The following FOXO1 variants were observed in gnomAD, a reference collection of about 807,000 sequenced individuals.
FOXO1 encodes the protein forkhead box protein O1.
Under a neutral mutation model 44.1 loss-of-function variants are expected in FOXO1, and 6 were observed. The ratio of observed to expected loss-of-function variants is 0.14; its 90% CI spans 0.07 to 0.27. The LOEUF (loss-of-function observed/expected upper bound fraction) is 0.27. FOXO1 is among the 10% of genes least tolerant of loss of function. The pLI is 1.00. For synonymous variants in FOXO1, 380 were observed against 362.7 expected (o/e 1.05, Z -0.54); for missense variants, 737 against 888.8 (o/e 0.83, Z 2.17).
At chr13:40,594,313 A>G (rs1293228891) in intron 1 of FOXO1, among the ~76,000 whole-genome samples, 1 of 152,162 alleles carries the variant, frequency 6.6e-6, no homozygotes, top group African/African-American at 2.4e-5. Flanking sequence ...GGATGGAGGA[A>G]GAACTGAAGA....
intron 1 of FOXO1, among the ~76,000 whole-genome samples, chr13:40,622,912 T>C (rs765940274): frequency 6.6e-6 from 1 of 152,204 alleles, no homozygotes; most frequent in Non-Finnish European, 1.5e-5. Flanking sequence ...AGACAAGAGA[T>C]TCCTTAAGGT....
intron 1 of FOXO1, among the ~76,000 whole-genome samples, chr13:40,642,277 A>ATATG (rs1877377655): frequency 6.6e-6 from 1 of 152,158 alleles, no homozygotes; most frequent in Non-Finnish European, 1.5e-5. Flanking sequence ...AAGTGCTAGG[A>ATATG]TATGTAGCAG....
chr13:40,616,615 G>A (rs1304869885), intron 1 of FOXO1, among the ~76,000 whole-genome samples: 1 of 152,230 alleles, frequency 6.6e-6, no homozygotes, highest in African/African-American at 2.4e-5. Flanking sequence ...AGGCCATCAT[G>A]AGGGATTTTA....
chr13:40,592,242 C>T (rs1023295366), intron 1 of FOXO1, among the ~76,000 whole-genome samples: 1 of 152,084 alleles, frequency 6.6e-6, no homozygotes, highest in Non-Finnish European at 1.5e-5. Flanking sequence ...TCCAGCACTC[C>T]GCTTACTAAA....
In FOXO1 at chr13:40,560,257, TG is replaced by T; in HGVS notation, c.1233del (p.Asn411LysfsTer4). 2 of 1,614,216 alleles carry T rather than the reference TG, an allele frequency of 1.2e-6. No homozygotes were observed. Among genetic ancestry groups the T allele is most frequent in the Non-Finnish European group, 1.7e-6 (2 of 1,180,044 alleles). On this transcript the variant is annotated frameshift_variant, in exon 2 of 3. Coordinates refer to ENST00000379561, the MANE Select transcript of FOXO1 (RefSeq NM_002015.4). LOFTEE classifies it high-confidence loss of function. This position sits in a 1 kb window ranked among gnomAD's most constrained non-coding sequence, Gnocchi z 5.1. ...TTTGGGCTGGGTGAATTCAAACTGG[TG>T]TTTGGTGGCGCAAACGAGTAGCACG... ...QTPCYSFAPP[N>X]TSLNSPSPNY...
chr13:40,665,028 G>T (rs966550051), intron 1 of FOXO1, among the ~76,000 whole-genome samples: 8 of 151,892 alleles, frequency 5.3e-5, no homozygotes, highest in African/African-American at 1.9e-4. Context: ...ACCGCCTCCA[G>T]AAACTGCCCG....
chr13:40,615,626 A>ATT (rs1394660290), intron 1 of FOXO1, among the ~76,000 whole-genome samples: 1 of 152,126 alleles, frequency 6.6e-6, no homozygotes, highest in East Asian at 1.9e-4. Context: ...GGAGGCTGTG[A>ATT]TTATCAACAA....
intron 1 of FOXO1, among the ~76,000 whole-genome samples, chr13:40,578,843 G>A (rs1409964322): frequency 1.3e-5 from 2 of 152,134 alleles, no homozygotes; most frequent in Non-Finnish European, 2.9e-5. Flanking sequence ...TTGTTTTGTT[G>A]GTGGGATCAC....
chr13:40,665,205 G>A (rs1384867077), intron 1 of FOXO1, among the ~76,000 whole-genome samples: 1 of 152,018 alleles, frequency 6.6e-6, no homozygotes, highest in Non-Finnish European at 1.5e-5. Flanking sequence ...TCCCCCCGCG[G>A]AGGTCCGGGA....
intron 1 of FOXO1, among the ~76,000 whole-genome samples, chr13:40,566,576 C>T (rs1315786746): frequency 1.3e-5 from 2 of 152,016 alleles, no homozygotes; most frequent in African/African-American, 2.4e-5. Context: ...GGCGGGGTTT[C>T]ACCATGTTGG....
At chr13:40,646,593 G>C (rs1339776325) in intron 1 of FOXO1, among the ~76,000 whole-genome samples, 2 of 152,030 alleles carry the variant, frequency 1.3e-5, no homozygotes, top group African/African-American at 4.8e-5. Context: ...ATTCATTTTT[G>C]TTTTGTTTCG....
chr13:40,662,984 A>G, intron 1 of FOXO1, among the ~76,000 whole-genome samples: 1 of 152,262 alleles, frequency 6.6e-6, no homozygotes, highest in Non-Finnish European at 1.5e-5. Flanking sequence ...GAGTTAGAAC[A>G]GCTCAGGTTG....
chr13:40,663,202 C>T (rs112710960), intron 1 of FOXO1, among the ~76,000 whole-genome samples: 1,865 of 151,908 alleles, frequency 0.012, 50 homozygotes, highest in African/African-American at 0.042. Flanking sequence ...CTAGCTCTGG[C>T]AAATAAATTT....
intron 1 of FOXO1, among the ~76,000 whole-genome samples, chr13:40,644,094 G>A (rs1270891163): frequency 6.6e-6 from 1 of 152,188 alleles, no homozygotes; most frequent in Non-Finnish European, 1.5e-5. Flanking sequence ...ACCCCAACGT[G>A]AGTTTTGGAA....
chr13:40,626,260 A>G (rs1876782586), intron 1 of FOXO1, among the ~76,000 whole-genome samples: 1 of 152,264 alleles, frequency 6.6e-6, no homozygotes, highest in Admixed American at 6.5e-5. Context: ...CCACTTCTCA[A>G]AACATTGTAA....
intron 1 of FOXO1, among the ~76,000 whole-genome samples, chr13:40,631,678 T>C (rs957340189): frequency 6.6e-6 from 1 of 152,144 alleles, no homozygotes; most frequent in Non-Finnish European, 1.5e-5. Flanking sequence ...AGTCACAAAA[T>C]AGGATTCCAC....
intron 1 of FOXO1, among the ~76,000 whole-genome samples, chr13:40,577,164 C>A (rs1251937132): frequency 1.5e-5 from 2 of 137,004 alleles, no homozygotes; most frequent in Admixed American, 1.4e-4. Context: ...CACCCACCCA[C>A]CCCTCCTCCT....
At position 40,578,175 on chromosome 13, in the gene FOXO1, G is replaced by A. The variant is rs377700466; in HGVS notation, c.631-17315C>T. 9.2e-5 allele frequency among the ~76,000 whole-genome samples: 14 copies of A among 152,226 alleles called. No individual in the cohort carries two copies. The East Asian group carries it at 2.1e-3, about 23-fold the overall frequency. On this transcript the variant is annotated intron_variant, in intron 1 of 2. Transcript: ENST00000379561. Reference sequence around the variant, plus strand: ...GTTGATGCAGATGGCCTCACTCAGGGAATGTGCCTTGTCAAACTTCAGGCC... The same window carrying A: ...GTTGATGCAGATGGCCTCACTCAGGAAATGTGCCTTGTCAAACTTCAGGCC...
chr13:40,629,992 G>C (rs1162632646), intron 1 of FOXO1, among the ~76,000 whole-genome samples: 1 of 152,192 alleles, frequency 6.6e-6, no homozygotes, highest in Non-Finnish European at 1.5e-5. Context: ...CAAGTGATAA[G>C]AACCTTTAAC....
Sources: allele counts gnomAD v4.1 joint callset (sites outside exome capture counted in the v4.1 genomes callset), GRCh38; gene constraint gnomAD v4.1.1; non-coding constraint Gnocchi (gnomAD v3.1); transcripts MANE v1.5; gene names NCBI Gene and HGNC (gene_info 2026-07-23, HGNC 2026-07-21).